The following TIAM1 variants were observed in gnomAD, a reference collection of about 807,000 sequenced individuals.
The protein encoded by TIAM1 is TIAM Rac1 associated GEF 1.
In TIAM1, 65 loss-of-function variants were observed where a neutral mutation model predicts 163.5. That is an observed-to-expected ratio of 0.40 (90% CI 0.33 to 0.49). The LOEUF (loss-of-function observed/expected upper bound fraction) is 0.49. Ranked by LOEUF, TIAM1 falls within the 20% of genes least tolerant of loss-of-function variation. The pLI is 0.77. For synonymous variants in TIAM1, 833 were observed against 810.1 expected, an observed-to-expected ratio of 1.03 and a Z score of -0.48; for missense variants, 1,789 against 2,044.7, an observed-to-expected ratio of 0.87 and a Z score of 2.41.
Position 31,166,898 on chromosome 21 carries a change from C to T in TIAM1, c.2888-1833G>A, listed in dbSNP as rs376503541. On this transcript the variant is annotated intron_variant, in intron 15 of 27. Coordinates refer to ENST00000541036, the MANE Select transcript of TIAM1 (RefSeq NM_001353694.2). The stretch of plus-strand genomic sequence containing the variant: ...ACCACAGCATCCTCAGTGGGACGTC[C>T]GGAGCAGCCAGGAGGCACGACTGAC... Among the ~76,000 whole-genome samples, 29 of 152,154 alleles carry T rather than the reference C, an allele frequency of 1.9e-4. No homozygotes were observed. The South Asian group carries it at 5.0e-3, about 26-fold the overall frequency.
At position 31,444,131 on chromosome 21, in the gene TIAM1, G is replaced by A. The variant is rs78697320; in HGVS notation, c.-369+19852C>T. On this transcript the variant is annotated intron_variant, in intron 2 of 28. Coordinates refer to the TIAM1 transcript ENST00000286827. ...CCTAACCTCTGTAGCTCCCAGCAGC[G>A]GGATCTGTGTTTATATGAACAGCAT... is the stretch of plus-strand genomic sequence containing the variant. 1.6e-3 allele frequency among the ~76,000 whole-genome samples: 242 copies of A among 152,232 alleles called. 1 individual carries two copies. The highest frequency in any genetic ancestry group is 0.011 in the East Asian group (58 of 5,182).
intron 6 of TIAM1, among the ~76,000 whole-genome samples, chr21:31,243,205 A>ATAT (rs1555902456): frequency 1.0e-3 from 128 of 125,430 alleles, no homozygotes; most frequent in East Asian, 3.3e-3. Flanking sequence ...AAAAAAAAAA[A>ATAT]AAAAATATAT....
At chr21:31,418,266 C>T (rs1336473994) in intron 2 of TIAM1, among the ~76,000 whole-genome samples, 3 of 147,306 alleles carry the variant, frequency 2.0e-5, no homozygotes, top group Non-Finnish European at 3.0e-5. Flanking sequence ...CACTTGAACC[C>T]GGCAGGCGGA....
At chr21:31,162,716 A>T (rs954846599) in intron 16 of TIAM1, among the ~76,000 whole-genome samples, 20 of 149,278 alleles carry the variant, frequency 1.3e-4, no homozygotes, top group African/African-American at 3.5e-4. Context: ...ATCTTGACTC[A>T]CTGCAACCTC....
At chr21:31,393,797 C>A (rs1015328676) in intron 2 of TIAM1, among the ~76,000 whole-genome samples, 1 of 152,140 alleles carries the variant, frequency 6.6e-6, no homozygotes, top group African/African-American at 2.4e-5. Context: ...TCTTTCCTGT[C>A]TTTACCACTG....
Position 31,309,136 on chromosome 21 carries a change from G to A in TIAM1, c.-189+30107C>T, listed in dbSNP as rs191569357. Among the ~76,000 whole-genome samples the A allele has an allele frequency of 2.4e-3, 363 of 152,228 alleles. 2 individuals are homozygous for A. Among genetic ancestry groups the A allele is most frequent in the Non-Finnish European group, 3.6e-3 (242 of 68,014 alleles). On this transcript the variant is annotated intron_variant, in intron 2 of 27. Coordinates refer to ENST00000541036, the MANE Select transcript of TIAM1 (RefSeq NM_001353694.2). ...TAATTTAACATATTCTGTCAAAGACGACTAGTAACAGATGAAAGGTTTAAA... is the reference window on the plus strand; with the variant it reads ...TAATTTAACATATTCTGTCAAAGACAACTAGTAACAGATGAAAGGTTTAAA...
intron 1 of TIAM1, among the ~76,000 whole-genome samples, chr21:31,513,186 C>T (rs145467592): frequency 6.6e-6 from 1 of 152,234 alleles, no homozygotes; most frequent in East Asian, 1.9e-4. Flanking sequence ...TACATATACA[C>T]GTACCATGTT....
At chr21:31,296,481 A>G (rs1400414831) in intron 2 of TIAM1, among the ~76,000 whole-genome samples, 1 of 152,188 alleles carries the variant, frequency 6.6e-6, no homozygotes, top group African/African-American at 2.4e-5. Context: ...AAAATACATA[A>G]TTTTTAAAAC....
At chr21:31,211,230 G>C (rs2086873047) in intron 10 of TIAM1, among the ~76,000 whole-genome samples, 1 of 152,138 alleles carries the variant, frequency 6.6e-6, no homozygotes, top group African/African-American at 2.4e-5. Context: ...TCCTCCTTTA[G>C]CAGCTGGGTT....
intron 2 of TIAM1, among the ~76,000 whole-genome samples, chr21:31,430,231 T>A (rs1171768876): frequency 4.4e-4 from 52 of 117,116 alleles, no homozygotes; most frequent in African/African-American, 1.4e-3. Context: ...AAAAAATATA[T>A]ATATATATAT....
chr21:31,462,729 C>CT (rs1333178641), intron 2 of TIAM1, among the ~76,000 whole-genome samples: 1,052 of 67,206 alleles, frequency 0.016, 17 homozygotes, highest in African/African-American at 0.045. Context: ...CCTAACCCCA[C>CT]TTTTTTGTTT....
chr21:31,441,649 C>T (rs1166156169), intron 2 of TIAM1, among the ~76,000 whole-genome samples: 2 of 152,130 alleles, frequency 1.3e-5, no homozygotes, highest in African/African-American at 4.8e-5. Flanking sequence ...CAGGATTGAG[C>T]CTTCCCTACC....
intron 2 of TIAM1, among the ~76,000 whole-genome samples, chr21:31,321,411 G>A (rs533293742): frequency 2.6e-5 from 4 of 152,216 alleles, no homozygotes; most frequent in South Asian, 4.1e-4. Flanking sequence ...GGAGTGCAAT[G>A]GCGCGATCTT....
At chr21:31,144,473 T>C (rs547440137) in intron 20 of TIAM1, among the ~76,000 whole-genome samples, 62 of 152,348 alleles carry the variant, frequency 4.1e-4, no homozygotes, top group Admixed American at 6.5e-4. Flanking sequence ...GCGATGAACA[T>C]GAACATGCAC....
intron 19 of TIAM1, among the ~76,000 whole-genome samples, chr21:31,148,159 T>C (rs1280538105): frequency 6.6e-6 from 1 of 151,718 alleles, no homozygotes; most frequent in Admixed American, 6.6e-5. Flanking sequence ...TCAGCAGGAG[T>C]ACCCTGGGTA....
chr21:31,538,535 T>C (rs2048214373), intron 1 of TIAM1, among the ~76,000 whole-genome samples: 1 of 152,224 alleles, frequency 6.6e-6, no homozygotes, highest in African/African-American at 2.4e-5. Flanking sequence ...GCTTCCTATC[T>C]GTAAAATGGG....
intron 1 of TIAM1, among the ~76,000 whole-genome samples, chr21:31,472,728 C>A (rs2833417): frequency 1.3e-5 from 2 of 152,032 alleles, no homozygotes; most frequent in African/African-American, 2.4e-5. Flanking sequence ...TTTAATGTTC[C>A]TAAACTTACA....
chr21:31,401,843 C>G (rs1282245031), intron 2 of TIAM1, among the ~76,000 whole-genome samples: 1 of 151,208 alleles, frequency 6.6e-6, no homozygotes, highest in Non-Finnish European at 1.5e-5. Flanking sequence ...CCCAGAAGTT[C>G]GAGGTTGCAG....
chr21:31,536,033 T>C (rs1455770907), intron 1 of TIAM1, among the ~76,000 whole-genome samples: 2 of 152,076 alleles, frequency 1.3e-5, no homozygotes, highest in Non-Finnish European at 2.9e-5. Context: ...ATGGTGCCTG[T>C]GTTGGGCCTT....
Sources: gnomAD v4.1 joint callset for allele counts (sites outside exome capture counted in the v4.1 genomes callset) on GRCh38, gnomAD v4.1.1 for gene constraint, MANE v1.5 for transcripts, NCBI Gene and HGNC (gene_info 2026-07-23, HGNC 2026-07-21) for gene names.